Variants in FUT8 observed in about 807,000 individuals in gnomAD.
The protein encoded by FUT8 is alpha-(1,6)-fucosyltransferase.
Under a neutral mutation model 71.3 loss-of-function variants are expected in FUT8, and 29 were observed. The observed-to-expected ratio is 0.41, with a 90% CI of 0.30 to 0.55. The LOEUF (loss-of-function observed/expected upper bound fraction) is 0.55, where lower values mean the gene tolerates loss of function less well. Ranked by LOEUF, FUT8 falls within the 20% of genes least tolerant of loss-of-function variation. FUT8 has a pLI of 0.34. For synonymous variants in FUT8, 254 were observed against 239.3 expected (o/e 1.06, Z -0.57); for missense variants, 544 against 702.1 (o/e 0.77, Z 2.55).
In FUT8 at chr14:65,413,775, G is replaced by A. The variant is rs2065177926; in HGVS notation, c.-326+561G>A. Among the ~76,000 whole-genome samples the A allele has an allele frequency of 2.0e-5, 3 of 152,198 alleles. No individual in the cohort carries two copies. The highest frequency in any genetic ancestry group is 2.0e-4 in the Admixed American group (3 of 15,278). ...GTGCAGCTGTACTCCCTTTTGATGT[G>A]CAAATGACGAGCTGGCGGCTTTTGA... On this transcript the variant is annotated intron_variant, in intron 1 of 10. Coordinates refer to ENST00000673929, the MANE Select transcript of FUT8 (RefSeq NM_001371533.1). This position sits in a 1 kb window ranked among gnomAD's most constrained non-coding sequence, Gnocchi z 4.1.
At chr14:65,359,912 G>A in the FUT8 span, among the ~76,000 whole-genome samples, 3 of 151,956 alleles carry the variant, frequency 2.0e-5, no homozygotes, top group African/African-American at 7.2e-5. Context: ...CGCAATCTCC[G>A]CCTCCCGCCT....
chr14:65,646,100 T>G (rs903006655), intron 6 of FUT8: 16 of 152,128 alleles, frequency 1.1e-4, no homozygotes, highest in African/African-American at 3.9e-4. Flanking sequence ...TGGTGAAATT[T>G]TACAAAAACA....
chr14:65,662,287 G>A (rs1892005089), intron 6 of FUT8, among the ~76,000 whole-genome samples: 1 of 152,116 alleles, frequency 6.6e-6, no homozygotes, highest in African/African-American at 2.4e-5. Context: ...TTGGGGGGAT[G>A]AGGTGGGAGG....
chr14:65,387,765 T>C, the FUT8 span, among the ~76,000 whole-genome samples: 1 of 152,236 alleles, frequency 6.6e-6, no homozygotes, highest in Admixed American at 6.5e-5. Flanking sequence ...TCAAAGATCA[T>C]TGTCTCATGT....
chr14:65,358,637 A>G, the FUT8 span, among the ~76,000 whole-genome samples: 2 of 151,956 alleles, frequency 1.3e-5, no homozygotes, highest in East Asian at 1.9e-4. Flanking sequence ...GTAGAGATGG[A>G]TGGGGTTTCT....
At chr14:65,580,094 A>G (rs1293928451) in intron 3 of FUT8, among the ~76,000 whole-genome samples, 2 of 149,432 alleles carry the variant, frequency 1.3e-5, no homozygotes, top group Non-Finnish European at 3.0e-5. Context: ...ATATATAGTC[A>G]TGCATTGCTT....
chr14:65,456,701 C>T (rs770720023), intron 2 of FUT8, among the ~76,000 whole-genome samples: 15 of 151,886 alleles, frequency 9.9e-5, no homozygotes, highest in Admixed American at 3.9e-4. Flanking sequence ...GATGAAACCT[C>T]ATCTCTACTA....
At chr14:65,487,196 A>G (rs1237361636) in intron 2 of FUT8, among the ~76,000 whole-genome samples, 1 of 152,218 alleles carries the variant, frequency 6.6e-6, no homozygotes, top group Non-Finnish European at 1.5e-5. Flanking sequence ...AGGAGTAGTT[A>G]GTCAAGGATA....
intron 2 of FUT8, chr14:65,529,440 TC>T (rs577602551): frequency 3.1e-4 from 47 of 152,318 alleles, no homozygotes; most frequent in African/African-American, 9.6e-4. Context: ...ACCATGTTAG[TC>T]AGGCTTGTTT....
At chr14:65,412,405 A>G (rs181776642), upstream of FUT8, 5 of 448,888 alleles carry the variant, frequency 1.1e-5, no homozygotes, top group South Asian at 3.1e-5. Context: ...GGAGCACAGC[A>G]TTCTCTGGAG....
chr14:65,717,317 C>G (rs192910541), intron 7 of FUT8, among the ~76,000 whole-genome samples: 1 of 140,438 alleles, frequency 7.1e-6, no homozygotes, highest in Admixed American at 7.0e-5. Context: ...GGCAGAGGCA[C>G]TCCTCACCTC....
rs1438888797 is a variant in FUT8, at chr14:65,616,066, G to C, written c.292G>C (p.Glu98Gln). 1 of 1,613,916 alleles carries C rather than the reference G, an allele frequency of 6.2e-7. No homozygotes were observed. The highest frequency in any genetic ancestry group is 1.7e-5 in the Admixed American group (1 of 59,998). Residue 98 changes from glutamate (E) to glutamine (Q), a missense_variant, in exon 4 of 11, where the codon GAA becomes CAA. Coordinates refer to ENST00000673929, the MANE Select transcript of FUT8 (RefSeq NM_001371533.1). ...GCTTGTTAAGGCCAAAGAACAGATT[G>C]AAAATTACAAGAAACAGACCAGAAA... ...EQLVKAKEQI[E>Q]NYKKQTRNGL...
At chr14:65,581,232 A>G (rs1441473170) in intron 3 of FUT8, among the ~76,000 whole-genome samples, 1 of 152,146 alleles carries the variant, frequency 6.6e-6, no homozygotes, top group African/African-American at 2.4e-5. Context: ...CTCAATGTGC[A>G]TCTGATGCAC....
the FUT8 span, among the ~76,000 whole-genome samples, chr14:65,389,271 T>C: frequency 6.6e-6 from 1 of 152,020 alleles, no homozygotes; most frequent in African/African-American, 2.4e-5. Context: ...GTGGTGTGTG[T>C]GATCGTGGCT....
In FUT8 at chr14:65,481,608, CACT is replaced by C. The variant is rs563308253; in HGVS notation, c.-228+25896_-228+25898del. Among the ~76,000 whole-genome samples the C allele has an allele frequency of 1.4e-4, 21 of 152,244 alleles. No homozygotes were observed. In the South Asian group the frequency reaches 4.1e-3, roughly 30 times the overall value. Reference sequence around the variant, plus strand: ...CTTGCCCCCTTGTAATCTTTTCCCCCACTACTACCCATCCTTCCTTGTCTCCAG... The same window carrying C: ...CTTGCCCCCTTGTAATCTTTTCCCCCACTACCCATCCTTCCTTGTCTCCAG... On this transcript the variant is annotated intron_variant, in intron 2 of 10. Transcript: ENST00000673929.
the FUT8 span, among the ~76,000 whole-genome samples, chr14:65,396,083 C>T: frequency 3.9e-5 from 6 of 152,206 alleles, no homozygotes; most frequent in African/African-American, 1.4e-4. This position sits in a 1 kb window ranked among gnomAD's most constrained non-coding sequence, Gnocchi z 5.5. Context: ...CCATCTGAGA[C>T]CACCTCAGCC....
chr14:65,663,541 G>T (rs1316164821), intron 6 of FUT8, among the ~76,000 whole-genome samples: 1 of 152,016 alleles, frequency 6.6e-6, no homozygotes, highest in Non-Finnish European at 1.5e-5. Context: ...TTGGGCTATG[G>T]CTCTGAGCTT....
the FUT8 span, among the ~76,000 whole-genome samples, chr14:65,362,758 C>T: frequency 3.3e-5 from 5 of 151,368 alleles, no homozygotes; most frequent in Non-Finnish European, 7.4e-5. Flanking sequence ...GTCAGGAGAT[C>T]GAGACCATCC....
Position 65,514,561 on chromosome 14 carries a change from A to G in FUT8, c.-227-46776A>G, listed in dbSNP as rs577808273. Reference sequence around the variant, plus strand: ...ATCTTAGCTACAGAAAGTCCATCTTATCTATCATTGTTGACCTTTGGATCA... The same window carrying G: ...ATCTTAGCTACAGAAAGTCCATCTTGTCTATCATTGTTGACCTTTGGATCA... On this transcript the variant is annotated intron_variant, in intron 2 of 10. Transcript: ENST00000673929. 4.6e-5 allele frequency among the ~76,000 whole-genome samples: 7 copies of G among 152,338 alleles called. No homozygotes were observed. The South Asian group carries it at 1.4e-3, about 32-fold the overall frequency.
Sources: allele counts gnomAD v4.1 joint callset (sites outside exome capture counted in the v4.1 genomes callset), GRCh38; gene constraint gnomAD v4.1.1; non-coding constraint Gnocchi (gnomAD v3.1); transcripts MANE v1.5; gene names NCBI Gene and HGNC (gene_info 2026-07-23, HGNC 2026-07-21).